PLCH2: variants seen among roughly 807,000 people sequenced by gnomAD.
PLCH2 encodes phospholipase C eta 2.
In PLCH2, 98 loss-of-function variants were observed where a neutral mutation model predicts 134.7. The ratio of observed to expected loss-of-function variants is 0.73; its 90% CI spans 0.62 to 0.86. The LOEUF (loss-of-function observed/expected upper bound fraction) is 0.86, where lower values mean the gene tolerates loss of function less well. Among genes scored for constraint, PLCH2 ranks in the 40% least tolerant of loss-of-function variants. The probability of loss-of-function intolerance (pLI) is 0.00; values close to 1 mark genes in which losing one functional copy is unlikely to be tolerated. For missense variants in PLCH2, 1,994 were observed against 1,986.6 expected, an observed-to-expected ratio of 1.00 and a Z score of -0.07; for synonymous variants, 974 against 827.5, an observed-to-expected ratio of 1.18 and a Z score of -3.04.
Position 2,502,334 on chromosome 1 carries a change from G to A in PLCH2, c.2884G>A (p.Asp962Asn), listed in dbSNP as rs181993963. Residue 962 changes from aspartate to asparagine, a missense_variant, in exon 21 of 22, where the codon GAT becomes AAT. Asp to Asn is a conservative substitution (Grantham distance 23, BLOSUM62 1). This residue lies in a region of PLCH2 where 900 missense variants were observed against 752.3 expected (regional missense o/e 1.20). Transcript: ENST00000378486. ...RDTGSKGVAD[D>N]VVPPGPGPAP... Reference sequence around the variant, plus strand: ...CACAGGCTCCAAGGGGGTGGCAGACGATGTGGTGCCCCCCGGGCCCGGACC... The same window carrying A: ...CACAGGCTCCAAGGGGGTGGCAGACAATGTGGTGCCCCCCGGGCCCGGACC... 9.8e-4 allele frequency: 1,507 copies of A among 1,535,640 alleles called. 25 individuals are homozygous for A. The East Asian group carries it at 0.032, about 32-fold the overall frequency.
chr1:2,479,017 T>G, intron 2 of PLCH2: 6 of 211,926 alleles, frequency 2.8e-5, no homozygotes, highest in Admixed American at 5.1e-5. Flanking sequence ...CCACTGGGCA[T>G]GGCTGCTGGA....
At position 2,478,531 on chromosome 1, in the gene PLCH2, C is replaced by G; in HGVS notation, c.180C>G (p.Gly60=). 1 of 1,612,810 alleles carries G rather than the reference C, an allele frequency of 6.2e-7. No individual in the cohort carries two copies. Among genetic ancestry groups the G allele is most frequent in the Admixed American group, 1.7e-5 (1 of 60,010 alleles). The change falls in exon 2 of 22, where the codon GGC becomes GGG. Residue 60 remains glycine, a synonymous_variant. Coordinates refer to ENST00000378486, the MANE Select transcript of PLCH2 (RefSeq NM_014638.4). The stretch of plus-strand genomic sequence containing the variant: ...GGATGCAGATGGTGAAGCTGCGTGG[C>G]GGCTCCAAGGGCCTGGTCCGCTTCT... ...QEGMQMVKLR[G]GSKGLVRFYY...
intron 2 of PLCH2, among the ~76,000 whole-genome samples, chr1:2,433,195 C>G (rs1388454453): frequency 6.6e-6 from 1 of 152,214 alleles, no homozygotes; most frequent in African/African-American, 2.4e-5. Context: ...TGGCTCCCGG[C>G]CCCCGCTGTG....
chr1:2,445,667 C>T (rs553380175), intron 2 of PLCH2, among the ~76,000 whole-genome samples: 103 of 152,120 alleles, frequency 6.8e-4, no homozygotes, highest in African/African-American at 2.4e-3. Context: ...AGCTGGTGGG[C>T]AGGAGAGACC....
Position 2,479,763 on chromosome 1 carries a change from GA to G in PLCH2, c.302del (p.Glu101GlyfsTer74). 6.5e-7 allele frequency: 1 copy of G among 1,549,550 alleles called. No individual in the cohort carries two copies. Among genetic ancestry groups the G allele is most frequent in the Non-Finnish European group, 8.7e-7 (1 of 1,145,282 alleles). ...ISIDSIQEVSEGRQSEVFQRY... is the reference protein window; with the variant it reads ...ISIDSIQEVSXGRQSEVFQRY... ...CATCGACTCCATCCAGGAGGTGAGT[GA>G]GGGGCGGCAGTCGGAGGTCTTCCAG... On this transcript the variant is annotated frameshift_variant, in exon 3 of 22. Coordinates refer to ENST00000378486, the MANE Select transcript of PLCH2 (RefSeq NM_014638.4). LOFTEE classifies it high-confidence loss of function.
At position 2,502,390 on chromosome 1, in the gene PLCH2, C is replaced by T. The variant is rs753359299; in HGVS notation, c.2940C>T (p.Pro980=). Residue 980 remains proline (P), a synonymous_variant, in exon 21 of 22, where the codon CCC becomes CCT. Coordinates refer to ENST00000378486, the MANE Select transcript of PLCH2 (RefSeq NM_014638.4). ...CGGAAGCCCCAGCCCAGGAGGGGCC[C>T]GGCAGCGGCAGCCCCCGAGGTAAGG... ...PAPEAPAQEG[P]GSGSPRDTRP... 2.1e-5 allele frequency: 32 copies of T among 1,543,142 alleles called. No individual in the cohort carries two copies. The East Asian group carries it at 4.7e-4, about 22-fold the overall frequency.
rs1188859474 is a variant in PLCH2, at chr1:2,439,829, C to A, written c.115+9200C>A. On this transcript the variant is annotated intron_variant, in intron 2 of 3. Transcript: ENST00000609981. The surrounding 1 kb of genome is among the most constrained non-coding windows in gnomAD (Gnocchi z 4.7). ...TTGCCTGAGAGACACCGCAGCCAGG[C>A]CTGGCTGGAGTGTTCGAGGGCAGCG... Among the ~76,000 whole-genome samples the A allele has an allele frequency of 6.6e-6, 1 of 152,134 alleles. No individual in the cohort carries two copies. The highest frequency in any genetic ancestry group is 1.5e-5 in the Non-Finnish European group (1 of 68,008).
chr1:2,481,627 C>T (rs1641974191), intron 4 of PLCH2, among the ~76,000 whole-genome samples: 1 of 152,236 alleles, frequency 6.6e-6, no homozygotes, highest in South Asian at 2.1e-4. Flanking sequence ...CTAAGGGAAC[C>T]CCAGGCAGGC....
In PLCH2 at chr1:2,503,637, G is replaced by A. The variant is rs760419011; in HGVS notation, c.2960-285G>A. 9 of 697,500 alleles carry A rather than the reference G, an allele frequency of 1.3e-5. No homozygotes were observed. The Admixed American group carries it at 1.4e-4, about 11-fold the overall frequency. 43.2% of individuals were successfully genotyped at this position (697,500 alleles called of 1,614,324 possible). A position where few individuals can be genotyped will look rare whatever the true frequency, so the allele number is the denominator to read the frequency against. On this transcript the variant is annotated intron_variant, in intron 21 of 21. Transcript: ENST00000378486. ...CGTAGTTAGGAACTGAGAGCGGCGA[G>A]TGACAGGTAACGGGGCCCAGCCCCG...
At chr1:2,494,995 C>T (rs1484434375) in intron 12 of PLCH2, 47 bp downstream of exon 12, 1 of 1,273,774 alleles carries the variant, frequency 7.9e-7, no homozygotes, top group African/African-American at 1.9e-5. Flanking sequence ...GCCCAGTGTC[C>T]TCCCTGCTCC....
At chr1:2,501,780 T>C (rs1643238014) in intron 20 of PLCH2, 2 of 294,214 alleles carry the variant, frequency 6.8e-6, no homozygotes, top group Non-Finnish European at 6.3e-6. Context: ...GCTCGAGGTC[T>C]CTCCTCCGGA....
chr1:2,425,818 G>A (rs1638765996), upstream of PLCH2, among the ~76,000 whole-genome samples: 1 of 151,910 alleles, frequency 6.6e-6, no homozygotes, highest in Non-Finnish European at 1.5e-5. Context: ...GCACTGCGCT[G>A]GGCTCATGCA....
intron 2 of PLCH2, among the ~76,000 whole-genome samples, chr1:2,459,836 C>T (rs962106399): frequency 1.3e-5 from 2 of 152,274 alleles, no homozygotes; most frequent in Admixed American, 1.3e-4. Flanking sequence ...GACCGGCCGG[C>T]CGTGGACGGC....
chr1:2,420,163 C>T, the PLCH2 span, among the ~76,000 whole-genome samples: 1 of 152,094 alleles, frequency 6.6e-6, no homozygotes, highest in African/African-American at 2.4e-5. Flanking sequence ...GCCCCCCGCC[C>T]CAGCCCCTAC....
intron 2 of PLCH2, among the ~76,000 whole-genome samples, chr1:2,454,042 G>A (rs933405912): frequency 6.6e-6 from 1 of 152,108 alleles, no homozygotes; most frequent in Non-Finnish European, 1.5e-5. Context: ...CGGGGGTGCC[G>A]CAAGCCACCC....
At chr1:2,495,790 G>A (rs2100714969) in intron 13 of PLCH2, among the ~76,000 whole-genome samples, 1 of 152,228 alleles carries the variant, frequency 6.6e-6, no homozygotes, top group Middle Eastern at 3.4e-3. Flanking sequence ...GTGGCTGGAG[G>A]GCCCAGGTCC....
intron 10 of PLCH2, among the ~76,000 whole-genome samples, chr1:2,490,374 G>A (rs1642507073): frequency 6.6e-6 from 1 of 152,192 alleles, no homozygotes; most frequent in Non-Finnish European, 1.5e-5. Flanking sequence ...CTGATATGGG[G>A]GTCCCACCAG....
At chr1:2,478,405 G>A (rs1278208015) in intron 1 of PLCH2, 71 bp from the exon 2 acceptor site, 8 of 1,572,934 alleles carry the variant, frequency 5.1e-6, no homozygotes, top group African/African-American at 1.3e-5. Context: ...CCGTGCCTCC[G>A]CTGACGGCCG....
At chr1:2,422,924 G>A (rs1390054814), upstream of PLCH2, among the ~76,000 whole-genome samples, 1 of 152,088 alleles carries the variant, frequency 6.6e-6, no homozygotes, top group South Asian at 2.1e-4. Context: ...GAAAAATATT[G>A]GTTTACTGAG....
Sources: allele counts gnomAD v4.1 joint callset (sites outside exome capture counted in the v4.1 genomes callset), GRCh38; gene constraint gnomAD v4.1.1; regional missense constraint gnomAD v4.1.1; non-coding constraint Gnocchi (gnomAD v3.1); transcripts MANE v1.5; gene names NCBI Gene and HGNC (gene_info 2026-07-23, HGNC 2026-07-21).